PCDH11X: variants seen among roughly 807,000 people sequenced by gnomAD.
PCDH11X encodes protocadherin 11 X-linked, also known as protocadherin-11 X-linked.
PCDH11X carries 18 observed loss-of-function variants against 53.3 expected under a neutral mutation model. That is an observed-to-expected ratio of 0.34 (90% CI 0.23 to 0.50). PCDH11X has a LOEUF of 0.50. Among genes scored for constraint, PCDH11X ranks in the 20% least tolerant of loss-of-function variants. PCDH11X has a pLI of 0.98. For synonymous variants in PCDH11X, 279 were observed against 393.3 expected (o/e 0.71, Z 3.44); for missense variants, 570 against 1,032.4 (o/e 0.55, Z 6.14).
chrX:92,272,639 A>G (rs1409616748), intron 8 of PCDH11X, among the ~76,000 whole-genome samples: 1 of 112,604 alleles, frequency 8.9e-6, no homozygotes, highest in Non-Finnish European at 1.9e-5. Context: ...TAATATTTCA[A>G]CAAGTCTTAT....
chrX:91,822,130 A>G (rs1212395035), intron 4 of PCDH11X, among the ~76,000 whole-genome samples: 2 of 110,066 alleles, frequency 1.8e-5, no homozygotes, highest in African/African-American at 6.8e-5. Flanking sequence ...TTGGTCTAAA[A>G]TTCTCTTTTT....
intron 10 of PCDH11X, among the ~76,000 whole-genome samples, chrX:92,498,906 TATA>T (rs2073906845): frequency 1.8e-5 from 1 of 54,274 alleles, no homozygotes; most frequent in Admixed American, 2.2e-4. Context: ...AACAGTATAT[TATA>T]ATATTATAAT....
rs1462589869 is a variant in PCDH11X at position 92,331,884 on chromosome X, A to G, written c.3145-55851A>G. 3.6e-5 allele frequency among the ~76,000 whole-genome samples: 4 copies of G among 111,573 alleles called. No homozygotes were observed. In the East Asian group the frequency reaches 1.1e-3, roughly 31 times the overall value. On this transcript the variant is annotated intron_variant, in intron 8 of 10. Transcript: ENST00000682573. Reference sequence around the variant, plus strand: ...ACTCAGTTTTTCTCAATTTATTTGCACTGTTACATCATTACAACTATAATT... The same window carrying G: ...ACTCAGTTTTTCTCAATTTATTTGCGCTGTTACATCATTACAACTATAATT...
chrX:92,593,196 G>A (rs1221585198), intron 10 of PCDH11X, among the ~76,000 whole-genome samples: 3 of 110,761 alleles, frequency 2.7e-5, no homozygotes, highest in Admixed American at 9.7e-5. Flanking sequence ...GTAATAAACG[G>A]CTTCTATGAC....
intron 6 of PCDH11X, among the ~76,000 whole-genome samples, chrX:92,109,127 G>C (rs1044484279): frequency 3.6e-5 from 4 of 111,427 alleles, no homozygotes; most frequent in African/African-American, 1.3e-4. Context: ...GCTCATGCCT[G>C]TAATCCCAGC....
At chrX:92,354,903 C>T (rs1178398616) in intron 8 of PCDH11X, among the ~76,000 whole-genome samples, 1 of 110,719 alleles carries the variant, frequency 9.0e-6, no homozygotes, top group East Asian at 2.9e-4. Flanking sequence ...GCAGTGAACT[C>T]GTGTGGCTCA....
At chrX:92,321,194 GTT>G (rs1413774808) in intron 8 of PCDH11X, among the ~76,000 whole-genome samples, 2 of 76,984 alleles carry the variant, frequency 2.6e-5, no homozygotes, top group Non-Finnish European at 4.6e-5. Context: ...GTTTTTTTTT[GTT>G]TTTTTTTTTT....
chrX:92,139,180 T>C (rs1168992745), intron 6 of PCDH11X, among the ~76,000 whole-genome samples: 1 of 108,922 alleles, frequency 9.2e-6, no homozygotes, highest in Non-Finnish European at 1.9e-5. Context: ...ATACCTGGTA[T>C]TATCTACAGA....
At chrX:92,135,734 T>G (rs1340678652) in intron 6 of PCDH11X, among the ~76,000 whole-genome samples, 1 of 102,253 alleles carries the variant, frequency 9.8e-6, no homozygotes, top group African/African-American at 3.7e-5. Flanking sequence ...GTGATCATTA[T>G]GTACATAGAT....
intron 5 of PCDH11X, among the ~76,000 whole-genome samples, chrX:91,840,044 AT>A (rs948688053): frequency 3.6e-5 from 4 of 111,009 alleles, no homozygotes; most frequent in Non-Finnish European, 7.6e-5. Flanking sequence ...GCTTTTTAAA[AT>A]ATTGTAAGTA....
chrX:92,331,692 A>G lies in PCDH11X; in HGVS notation c.3145-56043A>G, dbSNP rs1306975176. Reference sequence around the variant, plus strand: ...ATAATAGATTGGGGAAATTTTACAGAGAAAATTGGATTATCAGATATTTTA... The same window carrying G: ...ATAATAGATTGGGGAAATTTTACAGGGAAAATTGGATTATCAGATATTTTA... On this transcript the variant is annotated intron_variant, in intron 8 of 10. Coordinates refer to ENST00000682573, the MANE Select transcript of PCDH11X (RefSeq NM_032968.5). Among the ~76,000 whole-genome samples, 3 of 111,135 alleles carry G rather than the reference A, an allele frequency of 2.7e-5. No homozygotes were observed. The East Asian group carries it at 8.6e-4, about 32-fold the overall frequency.
intron 6 of PCDH11X, among the ~76,000 whole-genome samples, chrX:92,021,533 A>C (rs2147999865): frequency 9.2e-6 from 1 of 108,968 alleles, no homozygotes; most frequent in Non-Finnish European, 1.9e-5. Flanking sequence ...AAAACACCAA[A>C]CCTACGATTG....
At chrX:91,993,588 G>A (rs1184765432) in intron 6 of PCDH11X, among the ~76,000 whole-genome samples, 2 of 111,040 alleles carry the variant, frequency 1.8e-5, no homozygotes, top group African/African-American at 6.5e-5. Flanking sequence ...TTAGACTCTT[G>A]GCTTTTTTCT....
chrX:92,148,125 T>TTTC (rs2065351301), intron 6 of PCDH11X, among the ~76,000 whole-genome samples: 2 of 11,307 alleles, frequency 1.8e-4, no homozygotes, highest in Non-Finnish European at 2.9e-4. Flanking sequence ...TTTCTTTCTT[T>TTTC]CTTTCTTTTT....
chrX:92,575,204 TAAAC>T (rs888085412), intron 10 of PCDH11X, among the ~76,000 whole-genome samples: 2 of 110,441 alleles, frequency 1.8e-5, no homozygotes, highest in Non-Finnish European at 3.8e-5. Context: ...TGTATGTAAA[TAAAC>T]AAATGCATAG....
At chrX:92,570,041 A>G (rs1922018397) in intron 10 of PCDH11X, among the ~76,000 whole-genome samples, 1 of 100,469 alleles carries the variant, frequency 1.0e-5, no homozygotes, top group South Asian at 4.5e-4. Context: ...AAAAAAAACC[A>G]GAAAAAAGAA....
chrX:92,384,612 G>C (rs1024550872), intron 8 of PCDH11X, among the ~76,000 whole-genome samples: 34 of 92,008 alleles, frequency 3.7e-4, no homozygotes, highest in Non-Finnish European at 6.9e-4. Context: ...CAGGAGTGCT[G>C]ATTGGTCAGT....
intron 4 of PCDH11X, among the ~76,000 whole-genome samples, chrX:91,823,034 A>C (rs1936755277): frequency 9.2e-6 from 1 of 108,979 alleles, no homozygotes; most frequent in African/African-American, 3.4e-5. Context: ...CTGTGGTCTG[A>C]GAGATAGTTT....
intron 6 of PCDH11X, among the ~76,000 whole-genome samples, chrX:92,072,385 G>GTCTTCTTTATTCTTCATTCTC (rs1569339676): frequency 9.0e-6 from 1 of 110,976 alleles, no homozygotes; most frequent in African/African-American, 3.3e-5. Flanking sequence ...AACCACCACT[G>GTCTTCTTTATTCTTCATTCTC]CTGATAATGC....
Sources: gnomAD v4.1 joint callset for allele counts (sites outside exome capture counted in the v4.1 genomes callset) on GRCh38, gnomAD v4.1.1 for gene constraint, MANE v1.5 for transcripts, NCBI Gene and HGNC (gene_info 2026-07-23, HGNC 2026-07-21) for gene names.